The following PARP8 variants were observed in gnomAD, a reference collection of about 807,000 sequenced individuals.
PARP8 encodes the protein protein mono-ADP-ribosyltransferase PARP8.
Under a neutral mutation model 124.1 loss-of-function variants are expected in PARP8, and 51 were observed. The ratio of observed to expected loss-of-function variants is 0.41; its 90% CI spans 0.33 to 0.52. PARP8 has a LOEUF of 0.52. Ranked by LOEUF, PARP8 falls within the 20% of genes least tolerant of loss-of-function variation. PARP8 has a pLI of 0.21. For synonymous variants in PARP8, 391 were observed against 361.5 expected (o/e 1.08, Z -0.93); for missense variants, 860 against 1,018.9 (o/e 0.84, Z 2.12).
intron 2 of PARP8, among the ~76,000 whole-genome samples, chr5:50,721,634 A>G (rs946944796): frequency 1.2e-4 from 18 of 152,182 alleles, no homozygotes; most frequent in African/African-American, 4.3e-4. Context: ...TATAGCTGCA[A>G]CAGCCTCCAC....
intron 24 of PARP8, 67 bp downstream of exon 24, chr5:50,834,115 T>C (rs1269971459): frequency 7.7e-7 from 1 of 1,291,082 alleles, no homozygotes; most frequent in East Asian, 2.4e-5. Flanking sequence ...AAAATATAAG[T>C]ATATTTACAG....
intron 2 of PARP8, among the ~76,000 whole-genome samples, chr5:50,714,695 G>T (rs1316298716): frequency 6.6e-6 from 1 of 152,108 alleles, no homozygotes; most frequent in Non-Finnish European, 1.5e-5. Context: ...GGACTGATAG[G>T]CTTTATGATG....
intron 7 of PARP8, among the ~76,000 whole-genome samples, chr5:50,767,072 T>A (rs902854441): frequency 6.6e-6 from 1 of 152,140 alleles, no homozygotes; most frequent in Non-Finnish European, 1.5e-5. Context: ...CAGTCATATG[T>A]GAGCTAAGTG....
chr5:50,685,517 A>G (rs1751763391), intron 2 of PARP8, among the ~76,000 whole-genome samples: 1 of 152,202 alleles, frequency 6.6e-6, no homozygotes, highest in South Asian at 2.1e-4. Context: ...TCCCATCTCT[A>G]GAGTCAGGAG....
chr5:50,708,157 A>G (rs1270247290), intron 2 of PARP8, among the ~76,000 whole-genome samples: 1 of 152,118 alleles, frequency 6.6e-6, no homozygotes, highest in East Asian at 1.9e-4. Flanking sequence ...ATGGTTCTCA[A>G]TAATTTTCCT....
chr5:50,740,360 G>C (rs1288905349), intron 2 of PARP8, among the ~76,000 whole-genome samples: 6 of 152,134 alleles, frequency 3.9e-5, no homozygotes, highest in South Asian at 2.1e-4. Flanking sequence ...GGAGGGGAGA[G>C]AGAATTCCAG....
At position 50,750,176 on chromosome 5, in the gene PARP8, G is replaced by T; in HGVS notation, c.172G>T (p.Glu58Ter). 1 of 1,590,242 alleles carries T rather than the reference G, an allele frequency of 6.3e-7. No individual in the cohort carries two copies. Among genetic ancestry groups the T allele is most frequent in the South Asian group, 1.1e-5 (1 of 90,638 alleles). The change falls in exon 3 of 26, where the codon GAA becomes TAA. Residue 58 changes from glutamate (E) to a stop codon, truncating the protein, a stop_gained. Transcript: ENST00000281631. LOFTEE classifies it high-confidence loss of function. Reference sequence around the variant, plus strand: ...TGTATCCTACTCAGTACATGTATCTGAAGATTACCCAGGTATGCTTTTCTT... The same window carrying T: ...TGTATCCTACTCAGTACATGTATCTTAAGATTACCCAGGTATGCTTTTCTT... ...RSVSYSVHVS[E>*]DYPDNTYVSS...
At chr5:50,722,498 C>A (rs528669284) in intron 2 of PARP8, among the ~76,000 whole-genome samples, 1 of 152,036 alleles carries the variant, frequency 6.6e-6, no homozygotes, top group Non-Finnish European at 1.5e-5. Flanking sequence ...CTGAGTCCCC[C>A]ACTCTTCCTC....
chr5:50,827,680 A>G (rs757647230), intron 19 of PARP8, among the ~76,000 whole-genome samples: 9 of 152,166 alleles, frequency 5.9e-5, no homozygotes, highest in Non-Finnish European at 1.5e-5. Context: ...TCCAAAGCTA[A>G]ATATAAATGG....
chr5:50,709,646 A>G (rs1389145010), intron 2 of PARP8, among the ~76,000 whole-genome samples: 1 of 151,960 alleles, frequency 6.6e-6, no homozygotes, highest in Non-Finnish European at 1.5e-5. Flanking sequence ...TCTTGAGTGC[A>G]GTAGCCACAG....
chr5:50,835,087 T>C, intron 25 of PARP8, 72 bp downstream of exon 25: 2 of 1,318,454 alleles, frequency 1.5e-6, no homozygotes, highest in Non-Finnish European at 2.2e-6. Context: ...TGAATTATCG[T>C]TTGGTCTCTT....
intron 9 of PARP8, among the ~76,000 whole-genome samples, chr5:50,783,658 C>T (rs1017725562): frequency 2.0e-5 from 3 of 152,076 alleles, no homozygotes; most frequent in Admixed American, 1.3e-4. Flanking sequence ...GCAAAGAATG[C>T]CCTTAAATAA....
intron 2 of PARP8, among the ~76,000 whole-genome samples, chr5:50,738,469 A>G (rs939419764): frequency 4.6e-5 from 7 of 152,236 alleles, no homozygotes; most frequent in African/African-American, 7.2e-5. Flanking sequence ...AAATCATAAA[A>G]TTAAATCAAA....
intron 9 of PARP8, among the ~76,000 whole-genome samples, chr5:50,780,011 T>C (rs1303189665): frequency 6.6e-6 from 1 of 152,190 alleles, no homozygotes; most frequent in African/African-American, 2.4e-5. Flanking sequence ...GATATATAAA[T>C]ATGTAATAAG....
chr5:50,713,195 A>G (rs1754953733), intron 2 of PARP8, among the ~76,000 whole-genome samples: 2 of 152,094 alleles, frequency 1.3e-5, no homozygotes, highest in Non-Finnish European at 2.9e-5. Flanking sequence ...AAGGACTTAC[A>G]AGAGTGCTTA....
At chr5:50,803,789 G>C (rs1471010041) in intron 14 of PARP8, among the ~76,000 whole-genome samples, 1 of 152,068 alleles carries the variant, frequency 6.6e-6, no homozygotes, top group Non-Finnish European at 1.5e-5. Context: ...TAACATCTAT[G>C]CTTTCCTTGG....
intron 2 of PARP8, among the ~76,000 whole-genome samples, chr5:50,721,422 C>A (rs969578685): frequency 2.6e-5 from 4 of 151,962 alleles, no homozygotes; most frequent in African/African-American, 9.7e-5. Context: ...AGTTATTGTG[C>A]CTTCTGTTGT....
At chr5:50,772,370 T>C (rs1761713714) in intron 7 of PARP8, among the ~76,000 whole-genome samples, 1 of 152,220 alleles carries the variant, frequency 6.6e-6, no homozygotes, top group Non-Finnish European at 1.5e-5. Flanking sequence ...AAATGTCCAA[T>C]CATGGAACTG....
intron 2 of PARP8, among the ~76,000 whole-genome samples, chr5:50,702,229 G>GT (rs529127905): frequency 3.0e-4 from 45 of 151,884 alleles, no homozygotes; most frequent in South Asian, 8.3e-4. Flanking sequence ...AATAAATTAA[G>GT]TTTTTTTTAA....
Sources: allele counts gnomAD v4.1 joint callset (sites outside exome capture counted in the v4.1 genomes callset), GRCh38; gene constraint gnomAD v4.1.1; transcripts MANE v1.5; gene names NCBI Gene and HGNC (gene_info 2026-07-23, HGNC 2026-07-21).